Variants in PTPRM observed in about 807,000 individuals in gnomAD.
The protein encoded by PTPRM is receptor-type tyrosine-protein phosphatase mu.
A neutral mutation model predicts 186.7 loss-of-function variants in PTPRM; 47 were observed. The ratio of observed to expected loss-of-function variants is 0.25; its 90% CI spans 0.20 to 0.32. The LOEUF (loss-of-function observed/expected upper bound fraction) is 0.32. Ranked by LOEUF, PTPRM falls within the 10% of genes least tolerant of loss-of-function variation. PTPRM has a pLI of 1.00. For synonymous variants in PTPRM, 668 were observed against 674.9 expected (o/e 0.99, Z 0.16); for missense variants, 1,494 against 1,865.0 (o/e 0.80, Z 3.66).
chr18:8,193,511 A>G (rs946537258), intron 14 of PTPRM, among the ~76,000 whole-genome samples: 11 of 152,242 alleles, frequency 7.2e-5, no homozygotes, highest in African/African-American at 2.7e-4. Flanking sequence ...TTTCTTCCCC[A>G]GTGAGCTATG....
rs577981925 is a variant in PTPRM at position 8,272,085 on chromosome 18, C to T, written c.2754+18671C>T. ...AAAATTAGCTGGGCGTGGTGGTGGGCGCCTGTAATCCCAGCTACTCGGGAG... is the reference window on the plus strand; with the variant it reads ...AAAATTAGCTGGGCGTGGTGGTGGGTGCCTGTAATCCCAGCTACTCGGGAG... On this transcript the variant is annotated intron_variant, in intron 19 of 32. Coordinates refer to ENST00000580170, the MANE Select transcript of PTPRM (RefSeq NM_001105244.2). Among the ~76,000 whole-genome samples, 7 of 151,686 alleles carry T rather than the reference C, an allele frequency of 4.6e-5. No individual in the cohort carries two copies. The South Asian group carries it at 1.3e-3, about 27-fold the overall frequency.
intron 14 of PTPRM, among the ~76,000 whole-genome samples, chr18:8,220,901 A>C (rs761168656): frequency 1.1e-4 from 16 of 152,198 alleles, no homozygotes; most frequent in Non-Finnish European, 2.2e-4. Context: ...ATAATCATTC[A>C]TGAGATCCAT....
At chr18:7,768,724 G>T (rs1232100062) in intron 1 of PTPRM, among the ~76,000 whole-genome samples, 1 of 150,344 alleles carries the variant, frequency 6.7e-6, no homozygotes, top group East Asian at 2.0e-4. Flanking sequence ...TTGGCTCACT[G>T]CAACCTCCAC....
chr18:8,363,813 G>A (rs1427530078), intron 23 of PTPRM, among the ~76,000 whole-genome samples: 1 of 152,234 alleles, frequency 6.6e-6, no homozygotes, highest in African/African-American at 2.4e-5. Context: ...GATTTCTCGT[G>A]TGGTTTGTAG....
At chr18:8,232,558 T>G (rs891065289) in intron 14 of PTPRM, among the ~76,000 whole-genome samples, 1 of 152,178 alleles carries the variant, frequency 6.6e-6, no homozygotes, top group African/African-American at 2.4e-5. Flanking sequence ...GGAGTCTCAC[T>G]CTGTCACCCA....
intron 14 of PTPRM, among the ~76,000 whole-genome samples, chr18:8,237,323 C>A (rs1027715609): frequency 3.3e-5 from 5 of 149,900 alleles, no homozygotes; most frequent in African/African-American, 1.2e-4. Flanking sequence ...CTCTCATGTT[C>A]TTCCTTTCTC....
At chr18:8,152,273 G>C (rs2093026243) in intron 14 of PTPRM, among the ~76,000 whole-genome samples, 1 of 152,214 alleles carries the variant, frequency 6.6e-6, no homozygotes, top group Non-Finnish European at 1.5e-5. Flanking sequence ...TTTGGAAGAG[G>C]CTCCTCAGAG....
At chr18:7,884,247 T>C (rs2048652228) in intron 2 of PTPRM, among the ~76,000 whole-genome samples, 1 of 152,172 alleles carries the variant, frequency 6.6e-6, no homozygotes, top group African/African-American at 2.4e-5. Flanking sequence ...GGCTTGTGTT[T>C]TGTGGCAGGC....
At chr18:7,622,603 G>A (rs923149349) in intron 1 of PTPRM, among the ~76,000 whole-genome samples, 1 of 152,098 alleles carries the variant, frequency 6.6e-6, no homozygotes, top group Admixed American at 6.5e-5. Context: ...ATGCTGTCCT[G>A]TGGAACCCTA....
chr18:7,981,168 G>A (rs540286804), intron 7 of PTPRM, among the ~76,000 whole-genome samples: 124 of 151,708 alleles, frequency 8.2e-4, no homozygotes, highest in Non-Finnish European at 1.3e-3. Flanking sequence ...TCTGCCCCCC[G>A]CCCACCAACC....
At chr18:8,187,825 A>G (rs1198284457) in intron 14 of PTPRM, among the ~76,000 whole-genome samples, 5 of 152,186 alleles carry the variant, frequency 3.3e-5, no homozygotes, top group Non-Finnish European at 5.9e-5. Flanking sequence ...AGATTACCAC[A>G]TGTTTTTTAG....
At chr18:7,645,177 C>T (rs946970692) in intron 1 of PTPRM, among the ~76,000 whole-genome samples, 6 of 152,074 alleles carry the variant, frequency 3.9e-5, no homozygotes, top group African/African-American at 1.4e-4. Context: ...AAGTGAAACC[C>T]AGCAAATAAT....
In PTPRM at chr18:7,842,947, T is replaced by TATATATATATATATATAG. The variant is rs370746043; in HGVS notation, c.197-45158_197-45157insTATATATATATATATAGA. Among the ~76,000 whole-genome samples the TATATATATATATATATAG allele has an allele frequency of 5.2e-4, 58 of 112,094 alleles. 1 individual carries two copies. The highest frequency in any genetic ancestry group is 8.0e-4 in the African/African-American group (19 of 23,770). 73.5% of individuals were successfully genotyped at this position (112,094 alleles called of 152,430 possible). Reference sequence around the variant, plus strand: ...GTGTGTGTGTATATATATATATATATAGAGAGAGAGAGAGAGAGAGAGAGA... The same window carrying TATATATATATATATATAG: ...GTGTGTGTGTATATATATATATATATATATATATATATATATAGAGAGAGAGAGAGAGAGAGAGAGAGA... On this transcript the variant is annotated intron_variant, in intron 2 of 32. Transcript: ENST00000580170.
intron 11 of PTPRM, among the ~76,000 whole-genome samples, chr18:8,105,529 C>A (rs2091476922): frequency 6.6e-6 from 1 of 152,220 alleles, no homozygotes; most frequent in Non-Finnish European, 1.5e-5. Context: ...CTTAATTTAA[C>A]TTTCCCTCAA....
intron 13 of PTPRM, among the ~76,000 whole-genome samples, chr18:8,138,604 A>G (rs889163190): frequency 6.6e-6 from 1 of 152,116 alleles, no homozygotes; most frequent in South Asian, 2.1e-4. Flanking sequence ...GAGACCTTTC[A>G]AATGCTCTGC....
intron 3 of PTPRM, among the ~76,000 whole-genome samples, chr18:7,903,975 C>T (rs569626947): frequency 2.5e-4 from 38 of 152,278 alleles, no homozygotes; most frequent in African/African-American, 8.2e-4. Flanking sequence ...CTACGATAGA[C>T]TCGTTGCATT....
intron 23 of PTPRM, among the ~76,000 whole-genome samples, chr18:8,349,498 A>T (rs2509548): frequency 0.21 from 32,110 of 152,144 alleles, 3,735 homozygotes; most frequent in Non-Finnish European, 0.27. Context: ...ATTTATGCTC[A>T]TTCAGCAAAC....
At chr18:7,573,866 C>A (rs2036622002) in intron 1 of PTPRM, among the ~76,000 whole-genome samples, 1 of 152,158 alleles carries the variant, frequency 6.6e-6, no homozygotes, top group African/African-American at 2.4e-5. Flanking sequence ...GCTGGGATTA[C>A]AGGCATGAGC....
At chr18:7,642,214 T>G (rs934624382) in intron 1 of PTPRM, among the ~76,000 whole-genome samples, 3 of 152,216 alleles carry the variant, frequency 2.0e-5, no homozygotes, top group Non-Finnish European at 4.4e-5. Flanking sequence ...GAGACGTGTT[T>G]TAGGCAAGAA....
Sources: gnomAD v4.1 joint callset for allele counts (sites outside exome capture counted in the v4.1 genomes callset) on GRCh38, gnomAD v4.1.1 for gene constraint, MANE v1.5 for transcripts, NCBI Gene and HGNC (gene_info 2026-07-23, HGNC 2026-07-21) for gene names.